Variants in ATOSA observed in about 807,000 individuals in gnomAD.
The protein encoded by ATOSA is atos homolog A.
At chr15:52,677,884 C>A in the ATOSA span, 1 of 1,355,370 alleles carries the variant, frequency 7.4e-7, no homozygotes. Context: ...GTCACAAAAA[C>A]AGATAATCAC....
the ATOSA span, among the ~76,000 whole-genome samples, chr15:52,618,410 A>G: frequency 6.6e-6 from 1 of 152,182 alleles, no homozygotes; most frequent in Non-Finnish European, 1.5e-5. Context: ...TACATATCCT[A>G]AAGAGCACCT....
the ATOSA span, chr15:52,582,172 C>G: frequency 6.4e-7 from 1 of 1,573,968 alleles, no homozygotes; most frequent in Admixed American, 2.1e-5. Context: ...TTGGTGAAAA[C>G]TGAGGGTTTG....
chr15:52,620,754 C>G, the ATOSA span, among the ~76,000 whole-genome samples: 1 of 152,152 alleles, frequency 6.6e-6, no homozygotes, highest in African/African-American at 2.4e-5. Flanking sequence ...TTCAAACCAG[C>G]CTGGGCAACG....
At chr15:52,620,374 T>C in the ATOSA span, among the ~76,000 whole-genome samples, 1 of 152,164 alleles carries the variant, frequency 6.6e-6, no homozygotes, top group African/African-American at 2.4e-5. Flanking sequence ...CCAGAACCAC[T>C]AACTCCTTGA....
At chr15:52,671,626 G>C in the ATOSA span, among the ~76,000 whole-genome samples, 1 of 152,004 alleles carries the variant, frequency 6.6e-6, no homozygotes, top group African/African-American at 2.4e-5. Context: ...AGGAAATACA[G>C]GCTGCTCAGA....
At chr15:52,680,096 G>A in the ATOSA span, among the ~76,000 whole-genome samples, 1 of 151,186 alleles carries the variant, frequency 6.6e-6, no homozygotes, top group Admixed American at 6.6e-5. Flanking sequence ...ACTGACTCAT[G>A]GGCAGGAGGA....
chr15:52,634,750 T>TGC, the ATOSA span, among the ~76,000 whole-genome samples: 1 of 151,930 alleles, frequency 6.6e-6, no homozygotes, highest in Admixed American at 6.6e-5. Flanking sequence ...TACAGGCACA[T>TGC]GCCACCATGC....
At chr15:52,612,381 T>G in the ATOSA span, among the ~76,000 whole-genome samples, 8 of 152,318 alleles carry the variant, frequency 5.3e-5, no homozygotes, top group Non-Finnish European at 7.4e-5. Context: ...GACAGGCCTC[T>G]GAGTTGGCCC....
At chr15:52,681,076 A>G in the ATOSA span, among the ~76,000 whole-genome samples, 3,459 of 152,348 alleles carry the variant, frequency 0.023, 149 homozygotes, top group African/African-American at 0.08. Flanking sequence ...GCAGAAGCCA[A>G]GACTATTAGT....
At chr15:52,658,570 A>C in the ATOSA span, 2 of 327,234 alleles carry the variant, frequency 6.1e-6, no homozygotes, top group Admixed American at 1.3e-4. Flanking sequence ...ACTTAATGGG[A>C]ATAAATTTTC....
chr15:52,675,996 A>C, the ATOSA span, among the ~76,000 whole-genome samples: 86,548 of 152,060 alleles, frequency 0.57, 29,159 homozygotes, highest in Non-Finnish European at 0.75. Flanking sequence ...AAAAGCAGGA[A>C]AATTAAAAGG....
the ATOSA span, chr15:52,658,626 C>A: frequency 5.8e-5 from 23 of 396,918 alleles, no homozygotes; most frequent in East Asian, 7.5e-4. Context: ...CATGCATGCT[C>A]CCTTCCCATT....
the ATOSA span, among the ~76,000 whole-genome samples, chr15:52,689,353 C>G: frequency 3.3e-5 from 5 of 152,088 alleles, no homozygotes. Context: ...ATTTCTGTCT[C>G]TTCATCAGGA....
At chr15:52,662,147 C>T in the ATOSA span, among the ~76,000 whole-genome samples, 1 of 152,096 alleles carries the variant, frequency 6.6e-6, no homozygotes, top group Admixed American at 6.5e-5. Context: ...ACTGAACAAA[C>T]CTCACTCTTA....
the ATOSA span, among the ~76,000 whole-genome samples, chr15:52,668,585 T>C: frequency 3.3e-5 from 5 of 152,168 alleles, no homozygotes; most frequent in African/African-American, 9.7e-5. Flanking sequence ...AAATCATAAG[T>C]GCATGAGGTG....
At chr15:52,621,074 T>C in the ATOSA span, among the ~76,000 whole-genome samples, 1 of 152,246 alleles carries the variant, frequency 6.6e-6, no homozygotes, top group African/African-American at 2.4e-5. Flanking sequence ...TGTTCAAGGA[T>C]GTTTATGAAA....
the ATOSA span, among the ~76,000 whole-genome samples, chr15:52,683,879 A>G: frequency 2.0e-5 from 3 of 152,136 alleles, no homozygotes; most frequent in East Asian, 1.9e-4. Context: ...CTCCCCAACT[A>G]CTATGGAAAC....
the ATOSA span, among the ~76,000 whole-genome samples, chr15:52,679,793 TC>T: frequency 1.6e-4 from 2 of 12,380 alleles, no homozygotes; most frequent in Admixed American, 5.7e-4. Flanking sequence ...CTCCTCCTCC[TC>T]CCCCCTCCCC....
chr15:52,593,709 G>T, the ATOSA span: 1 of 1,555,538 alleles, frequency 6.4e-7, no homozygotes, highest in Non-Finnish European at 8.7e-7. Flanking sequence ...ATGCCGAGAG[G>T]ATCGAAACGA....
Sources: allele counts gnomAD v4.1 joint callset (sites outside exome capture counted in the v4.1 genomes callset), GRCh38; gene constraint gnomAD v4.1.1; transcripts MANE v1.5; gene names NCBI Gene and HGNC (gene_info 2026-07-23, HGNC 2026-07-21).